The following ARFGEF1 variants were observed in gnomAD, a reference collection of about 807,000 sequenced individuals.
ARFGEF1 encodes brefeldin A-inhibited guanine nucleotide-exchange protein 1.
Under a neutral mutation model 231.0 loss-of-function variants are expected in ARFGEF1, and 42 were observed. The observed-to-expected ratio is 0.18, with a 90% CI of 0.14 to 0.24. ARFGEF1 has a LOEUF of 0.24. Among genes scored for constraint, ARFGEF1 ranks in the 10% least tolerant of loss-of-function variants. The pLI, the probability that ARFGEF1 is intolerant of heterozygous loss-of-function variation, is 1.00. For missense variants in ARFGEF1, 1,345 were observed against 2,192.0 expected (o/e 0.61, Z 7.72); for synonymous variants, 710 against 732.3 (o/e 0.97, Z 0.49).
At chr8:67,341,805 G>A (rs188829964) in intron 1 of ARFGEF1, among the ~76,000 whole-genome samples, 1 of 152,064 alleles carries the variant, frequency 6.6e-6, no homozygotes, top group Admixed American at 6.5e-5. Context: ...CATACACCGG[G>A]AACAGTCTTT....
rs142150834 is a variant in ARFGEF1 at position 67,266,880 on chromosome 8, A to C, written c.1917T>G (p.Thr639=). 4.3e-6 allele frequency: 7 copies of C among 1,610,320 alleles called. No homozygotes were observed. The Admixed American group carries it at 8.4e-5, about 19-fold the overall frequency. Residue 639 remains threonine, a synonymous_variant, in exon 13 of 39, where the codon ACT becomes ACG. Transcript: ENST00000262215. ...DQYVNPNSQT[T]LGQEKPSEQE... ...CAGCTCAAAATATCACCTTACCAAG[A>C]GTTGTCTGGGAGTTGGGATTCACAT...
intron 1 of ARFGEF1, among the ~76,000 whole-genome samples, chr8:67,338,497 A>T (rs889965054): frequency 3.9e-5 from 6 of 152,234 alleles, no homozygotes; most frequent in African/African-American, 1.4e-4. Context: ...TCAGAATCTT[A>T]ACTATGTTCA....
chr8:67,321,739 C>A (rs1587315578), intron 1 of ARFGEF1, among the ~76,000 whole-genome samples: 1 of 152,174 alleles, frequency 6.6e-6, no homozygotes, highest in East Asian at 1.9e-4. Flanking sequence ...GGATTACAGG[C>A]ATGAGCCACC....
intron 6 of ARFGEF1, among the ~76,000 whole-genome samples, chr8:67,291,334 G>A (rs1243975697): frequency 1.3e-5 from 2 of 151,464 alleles, no homozygotes; most frequent in Non-Finnish European, 2.9e-5. Flanking sequence ...CAATTTTAGT[G>A]ATTACTATGC....
At chr8:67,258,319 T>A in intron 15 of ARFGEF1, 29 bp from the exon 16 acceptor site, 2 of 1,446,880 alleles carry the variant, frequency 1.4e-6, no homozygotes, top group Non-Finnish European at 1.9e-6. Context: ...TAGAAATTGA[T>A]ATTTTCTTTC....
chr8:67,323,557 A>G (rs762146660), intron 1 of ARFGEF1, among the ~76,000 whole-genome samples: 3 of 152,142 alleles, frequency 2.0e-5, no homozygotes, highest in Non-Finnish European at 4.4e-5. Context: ...ATTTTCTCAT[A>G]CTGCCATTTT....
intron 1 of ARFGEF1, among the ~76,000 whole-genome samples, chr8:67,338,732 T>C (rs1338802443): frequency 6.6e-6 from 1 of 152,244 alleles, no homozygotes; most frequent in African/African-American, 2.4e-5. Flanking sequence ...TGTCATTAAT[T>C]ATACTCTTTT....
rs185802478 is a variant in ARFGEF1 at position 67,185,558 on chromosome 8, G to A, written c.561-9986C>T. On this transcript the variant is annotated intron_variant, in intron 5 of 5. Transcript: ENST00000518789. ...TCACCAGTGGTCTGTCGGTTGATGTGTGCTTCAGGGCCAGTGCATATTAGT... is the reference window on the plus strand; with the variant it reads ...TCACCAGTGGTCTGTCGGTTGATGTATGCTTCAGGGCCAGTGCATATTAGT... Among the ~76,000 whole-genome samples the A allele has an allele frequency of 2.5e-3, 375 of 152,344 alleles. 5 individuals carry two copies. Among genetic ancestry groups the A allele is most frequent in the Non-Finnish European group, 4.0e-3 (271 of 68,040 alleles).
intron 35 of ARFGEF1, 33 bp from the exon 36 acceptor site, chr8:67,203,284 A>C (rs1311073023): frequency 6.2e-7 from 1 of 1,600,840 alleles, no homozygotes; most frequent in Admixed American, 1.8e-5. Context: ...GCATATACAC[A>C]CAGTCACAAT....
chr8:67,256,133 T>C (rs1020172045), intron 17 of ARFGEF1, among the ~76,000 whole-genome samples: 1 of 152,166 alleles, frequency 6.6e-6, no homozygotes, highest in Non-Finnish European at 1.5e-5. Flanking sequence ...CTGAAAATTC[T>C]GGTGTAAAAA....
intron 15 of ARFGEF1, among the ~76,000 whole-genome samples, chr8:67,258,782 ATTC>A (rs1284567257): frequency 2.0e-5 from 3 of 151,776 alleles, no homozygotes; most frequent in Non-Finnish European, 4.4e-5. Flanking sequence ...ATATCAGGAT[ATTC>A]TTTTCAGTTT....
chr8:67,234,610 CAGT>C (rs1839656309), intron 22 of ARFGEF1, among the ~76,000 whole-genome samples: 1 of 151,936 alleles, frequency 6.6e-6, no homozygotes. Flanking sequence ...AAAAGAACAG[CAGT>C]AGGAGATAAA....
intron 37 of ARFGEF1, 63 bp downstream of exon 37, chr8:67,201,404 C>A: frequency 6.5e-7 from 1 of 1,549,672 alleles, no homozygotes; most frequent in Non-Finnish European, 8.7e-7. Context: ...CCGCCGGTGC[C>A]TCTTTCCTGC....
At chr8:67,260,203 T>C (rs1804555448) in intron 14 of ARFGEF1, among the ~76,000 whole-genome samples, 1 of 152,174 alleles carries the variant, frequency 6.6e-6, no homozygotes. Context: ...TTTATCCATA[T>C]CCACAGTGGG....
intron 22 of ARFGEF1, among the ~76,000 whole-genome samples, chr8:67,233,514 C>A (rs1839618653): frequency 6.6e-6 from 1 of 151,912 alleles, no homozygotes; most frequent in South Asian, 2.1e-4. Context: ...ATATCCTTCC[C>A]CTCTTCCACT....
chr8:67,264,177 G>A (rs183427717), intron 14 of ARFGEF1, among the ~76,000 whole-genome samples: 96 of 152,026 alleles, frequency 6.3e-4, no homozygotes, highest in Non-Finnish European at 1.1e-3. Flanking sequence ...GTTAAGCATG[G>A]GAAAAGACTG....
At position 67,296,533 on chromosome 8, in the gene ARFGEF1, G is replaced by A. The variant is rs1587249508; in HGVS notation, c.537C>T (p.Tyr179=). 1 of 1,613,686 alleles carries A rather than the reference G, an allele frequency of 6.2e-7. No homozygotes were observed. The stretch of plus-strand genomic sequence containing the variant: ...GATTTTTGCTTGCTAAGTAGATATT[G>A]TAACATGTTCTCACAGCTTGCAGTA... ...GTVLQAVRTC[Y]NIYLASKNLI... The change falls in exon 5 of 39, where the codon TAC becomes TAT. Residue 179 remains tyrosine (Y), a synonymous_variant. Coordinates refer to ENST00000262215, the MANE Select transcript of ARFGEF1 (RefSeq NM_006421.5).
chr8:67,243,837 T>G (rs559654492), intron 19 of ARFGEF1, among the ~76,000 whole-genome samples: 10 of 152,168 alleles, frequency 6.6e-5, no homozygotes, highest in Non-Finnish European at 1.5e-4. Flanking sequence ...AGAGCTGTTT[T>G]GAGGAAACTC....
chr8:67,260,067 TA>T, intron 14 of ARFGEF1, 141 bp from the exon 15 acceptor site: 1 of 425,288 alleles, frequency 2.4e-6, no homozygotes, highest in Middle Eastern at 6.2e-4. Context: ...ATGTACAAAA[TA>T]ATTACATTGT....
Sources: allele counts gnomAD v4.1 joint callset (sites outside exome capture counted in the v4.1 genomes callset), GRCh38; gene constraint gnomAD v4.1.1; transcripts MANE v1.5; gene names NCBI Gene and HGNC (gene_info 2026-07-23, HGNC 2026-07-21).